Variants in ANK3 observed in about 807,000 individuals in gnomAD.
The protein encoded by ANK3 is ankyrin 3.
ANK3 carries 57 observed loss-of-function variants against 370.9 expected under a neutral mutation model. The observed-to-expected ratio is 0.15, with a 90% CI of 0.12 to 0.19. ANK3 has a LOEUF of 0.19. Ranked by LOEUF, ANK3 falls within the 10% of genes least tolerant of loss-of-function variation. The pLI is 1.00. For missense variants in ANK3, 4,439 were observed against 5,302.1 expected, an observed-to-expected ratio of 0.84 and a Z score of 5.06; for synonymous variants, 1,929 against 1,946.3, an observed-to-expected ratio of 0.99 and a Z score of 0.23.
At chr10:60,205,985 G>C (rs1399924680) in intron 10 of ANK3, 95 bp from the exon 11 acceptor site, 1 of 806,446 alleles carries the variant, frequency 1.2e-6, no homozygotes, top group African/African-American at 1.7e-5. Flanking sequence ...ATGATGTGTG[G>C]TAAATTGAAA....
At chr10:60,622,663 T>C (rs2078354005) in intron 1 of ANK3, among the ~76,000 whole-genome samples, 1 of 152,176 alleles carries the variant, frequency 6.6e-6, no homozygotes, top group Admixed American at 6.5e-5. Context: ...ATTAAATACA[T>C]GCTGAATCAT....
chr10:60,599,252 A>C (rs1247426198), intron 2 of ANK3, among the ~76,000 whole-genome samples: 1 of 152,072 alleles, frequency 6.6e-6, no homozygotes, highest in African/African-American at 2.4e-5. Flanking sequence ...GTTATGACAG[A>C]CTCATCAGAT....
At chr10:60,440,066 C>T (rs2064261136) in intron 2 of ANK3, among the ~76,000 whole-genome samples, 1 of 152,164 alleles carries the variant, frequency 6.6e-6, no homozygotes, top group South Asian at 2.1e-4. Flanking sequence ...CAGAATGCTC[C>T]GTTGCCAACT....
intron 4 of ANK3, among the ~76,000 whole-genome samples, chr10:60,276,238 A>G (rs1191027238): frequency 6.6e-6 from 1 of 152,126 alleles, no homozygotes; most frequent in Non-Finnish European, 1.5e-5. Flanking sequence ...TTTTTACCCT[A>G]TTTTTTGTTG....
chr10:60,255,606 A>G (rs1049834050), intron 7 of ANK3, among the ~76,000 whole-genome samples: 2 of 152,186 alleles, frequency 1.3e-5, no homozygotes, highest in Non-Finnish European at 2.9e-5. Context: ...GTCAGGGACT[A>G]ACCATCTTCC....
chr10:60,588,575 A>C (rs892493766), intron 2 of ANK3, among the ~76,000 whole-genome samples: 1 of 152,064 alleles, frequency 6.6e-6, no homozygotes, highest in Non-Finnish European at 1.5e-5. Context: ...AACCAGCAAA[A>C]TCTAAACTGT....
intron 25 of ANK3, among the ~76,000 whole-genome samples, chr10:60,127,238 A>G (rs1167389202): frequency 6.6e-6 from 1 of 152,168 alleles, no homozygotes; most frequent in Non-Finnish European, 1.5e-5. Context: ...AATTGCTGTA[A>G]TCCAGGAGAT....
chr10:60,050,982 A>G (rs1307854248), intron 42 of ANK3, among the ~76,000 whole-genome samples: 1 of 151,660 alleles, frequency 6.6e-6, no homozygotes, highest in African/African-American at 2.4e-5. Context: ...TCAAATTCTC[A>G]GCCACTGATT....
At chr10:60,396,894 G>C (rs530171733) in intron 2 of ANK3, among the ~76,000 whole-genome samples, 3 of 152,282 alleles carry the variant, frequency 2.0e-5, no homozygotes, top group South Asian at 4.1e-4. Flanking sequence ...CATACACGCT[G>C]TGATGCTGAA....
chr10:60,428,636 A>G (rs977842925), intron 2 of ANK3, among the ~76,000 whole-genome samples: 2 of 152,182 alleles, frequency 1.3e-5, no homozygotes, highest in African/African-American at 4.8e-5. Flanking sequence ...TGGCATTGAA[A>G]TCACATCTTA....
intron 1 of ANK3, among the ~76,000 whole-genome samples, chr10:60,297,492 C>A (rs2042787237): frequency 6.6e-6 from 1 of 151,922 alleles, no homozygotes; most frequent in Non-Finnish European, 1.5e-5. Context: ...TATCAACAGT[C>A]CAATTAGAAG....
chr10:60,142,523 T>A (rs2094614477), intron 23 of ANK3, among the ~76,000 whole-genome samples: 1 of 151,878 alleles, frequency 6.6e-6, no homozygotes, highest in Admixed American at 6.6e-5. Flanking sequence ...TATTTTTATG[T>A]TTATCTTTTA....
At chr10:60,250,765 A>G (rs12767186) in intron 7 of ANK3, among the ~76,000 whole-genome samples, 112,293 of 152,088 alleles carry the variant, frequency 0.74, 41,509 homozygotes, top group South Asian at 0.88. Context: ...TTGTCATAAG[A>G]TCATCAAGTT....
intron 1 of ANK3, among the ~76,000 whole-genome samples, chr10:60,287,560 A>G (rs1432025136): frequency 1.3e-5 from 2 of 152,234 alleles, no homozygotes. Context: ...TTTTACATGT[A>G]TTATTATTAT....
intron 25 of ANK3, among the ~76,000 whole-genome samples, chr10:60,116,073 T>C (rs2093056413): frequency 2.0e-5 from 3 of 152,112 alleles, no homozygotes; most frequent in Non-Finnish European, 4.4e-5. Flanking sequence ...AAAAGTGATT[T>C]GACCTTCATA....
intron 16 of ANK3, among the ~76,000 whole-genome samples, chr10:60,191,943 C>G (rs1421891173): frequency 6.6e-6 from 1 of 152,088 alleles, no homozygotes; most frequent in Non-Finnish European, 1.5e-5. Context: ...GAGTCTTGCT[C>G]TGTCACCCAG....
At chr10:60,631,637 C>T (rs1204431608) in intron 1 of ANK3, among the ~76,000 whole-genome samples, 1 of 152,048 alleles carries the variant, frequency 6.6e-6, no homozygotes, top group Non-Finnish European at 1.5e-5. Context: ...TCTTTCAAAA[C>T]ATGCATCAAA....
intron 2 of ANK3, among the ~76,000 whole-genome samples, chr10:60,464,882 A>C (rs1485321779): frequency 6.6e-6 from 1 of 152,190 alleles, no homozygotes; most frequent in Non-Finnish European, 1.5e-5. Context: ...ATTATCTAGA[A>C]ATCAATGAGC....
At chr10:60,531,097 G>A (rs969243140) in intron 2 of ANK3, among the ~76,000 whole-genome samples, 7 of 152,102 alleles carry the variant, frequency 4.6e-5, no homozygotes, top group Non-Finnish European at 8.8e-5. Flanking sequence ...GAGAGGATGA[G>A]GTGATTTGCT....
Sources: gnomAD v4.1 joint callset for allele counts (sites outside exome capture counted in the v4.1 genomes callset) on GRCh38, gnomAD v4.1.1 for gene constraint, MANE v1.5 for transcripts, NCBI Gene and HGNC (gene_info 2026-07-23, HGNC 2026-07-21) for gene names.